CCDC158: variants seen among roughly 807,000 people sequenced by gnomAD.
The protein encoded by CCDC158 is coiled-coil domain-containing protein 158.
CCDC158 carries 116 observed loss-of-function variants against 138.6 expected under a neutral mutation model. The observed-to-expected ratio is 0.84, with a 90% CI of 0.72 to 0.98. The LOEUF (loss-of-function observed/expected upper bound fraction) is 0.98. CCDC158 is among the 50% of genes least tolerant of loss of function. CCDC158 has a pLI of 0.00. For synonymous variants in CCDC158, 436 were observed against 442.4 expected, an observed-to-expected ratio of 0.99 and a Z score of 0.18; for missense variants, 1,265 against 1,306.1, an observed-to-expected ratio of 0.97 and a Z score of 0.48.
intron 18 of CCDC158, among the ~76,000 whole-genome samples, chr4:76,337,605 G>A (rs1362932841): frequency 1.3e-5 from 2 of 152,070 alleles, no homozygotes; most frequent in Admixed American, 6.5e-5. Context: ...GGTAGTGCAC[G>A]CCTGTAATCC....
chr4:76,347,079 G>A (rs959080500), intron 18 of CCDC158, among the ~76,000 whole-genome samples: 6 of 152,180 alleles, frequency 3.9e-5, no homozygotes, highest in Non-Finnish European at 8.8e-5. Flanking sequence ...ACTGTTGGTG[G>A]AAGTGTAAAT....
chr4:76,382,859 A>AGTAG, intron 7 of CCDC158, 139 bp from the exon 8 acceptor site: 1 of 583,396 alleles, frequency 1.7e-6, no homozygotes, highest in Non-Finnish European at 3.0e-6. Flanking sequence ...TTTAATAACA[A>AGTAG]GTGTCTACAA....
intron 18 of CCDC158, among the ~76,000 whole-genome samples, chr4:76,347,474 G>A (rs1455424362): frequency 2.6e-5 from 4 of 152,028 alleles, no homozygotes; most frequent in East Asian, 3.9e-4. Context: ...AACAAACACC[G>A]CATGTTCTCA....
chr4:76,416,784 G>A (rs913391249), intron 1 of CCDC158, among the ~76,000 whole-genome samples: 1 of 152,256 alleles, frequency 6.6e-6, no homozygotes, highest in Non-Finnish European at 1.5e-5. Context: ...GATGTCAGAT[G>A]TATGGAAACG....
At chr4:76,316,449 A>G (rs1270350427) in intron 24 of CCDC158, among the ~76,000 whole-genome samples, 1 of 152,178 alleles carries the variant, frequency 6.6e-6, no homozygotes, top group Non-Finnish European at 1.5e-5. Flanking sequence ...AGCCTCCAAG[A>G]AGTCTGGGAT....
intron 3 of CCDC158, among the ~76,000 whole-genome samples, chr4:76,402,489 C>T (rs1728483191): frequency 6.6e-6 from 1 of 152,204 alleles, no homozygotes. Context: ...TCTCATTGTC[C>T]TTCTAGCCAA....
intron 3 of CCDC158, 47 bp downstream of exon 3, chr4:76,403,091 T>C (rs1728545288): frequency 1.1e-5 from 14 of 1,315,266 alleles, no homozygotes; most frequent in African/African-American, 1.5e-5. Context: ...ATGAATATCA[T>C]GGTTAATTCT....
chr4:76,335,122 T>C (rs1185135179), intron 18 of CCDC158, among the ~76,000 whole-genome samples: 1 of 152,170 alleles, frequency 6.6e-6, no homozygotes, highest in African/African-American at 2.4e-5. Flanking sequence ...CAGTCTAAAG[T>C]TTCATAAATT....
intron 2 of CCDC158, among the ~76,000 whole-genome samples, 162 bp downstream of exon 2, chr4:76,411,928 T>A (rs879713649): frequency 7.9e-5 from 12 of 152,218 alleles, no homozygotes; most frequent in Non-Finnish European, 1.8e-4. Flanking sequence ...GCAGCTTTTA[T>A]ATTGTAGGCC....
intron 8 of CCDC158, among the ~76,000 whole-genome samples, 167 bp downstream of exon 8, chr4:76,382,441 AAC>A (rs386676244): frequency 0.016 from 2,397 of 152,342 alleles, 65 homozygotes; most frequent in African/African-American, 0.054. Context: ...ATGGTCAGAT[AAC>A]AGTACCTATG....
At chr4:76,355,643 T>A (rs929216134) in intron 14 of CCDC158, among the ~76,000 whole-genome samples, 7 of 152,158 alleles carry the variant, frequency 4.6e-5, no homozygotes, top group African/African-American at 1.7e-4. Context: ...GATTTTTAGC[T>A]GGGAAACATA....
chr4:76,332,572 C>T, intron 19 of CCDC158, 81 bp from the exon 20 acceptor site: 1 of 1,106,760 alleles, frequency 9.0e-7, no homozygotes. Context: ...CAATTGCTTA[C>T]ATATATTCAA....
At chr4:76,395,971 T>C (rs6857452) in intron 4 of CCDC158, among the ~76,000 whole-genome samples, 49,820 of 152,098 alleles carry the variant, frequency 0.33, 9,608 homozygotes, top group Non-Finnish European at 0.44. Flanking sequence ...TAACTATAAA[T>C]GCAGACAAAT....
rs79260649 is a variant in CCDC158 at position 76,369,517 on chromosome 4, C to T, written c.1256G>A (p.Arg419Gln). ...GNSITIDHLR[R>Q]ELDNRNMEVQ... ...CTCCATGTTCCGGTTGTCCAGTTCC[C>T]GCCGCAGGTGGTCAATGGTGATGCT... Residue 419 changes from arginine to glutamine, a missense_variant, in exon 11 of 25, where the codon CGG (arginine) becomes CAG (glutamine). Transcript: ENST00000682701. 826 of 1,614,156 alleles carry T rather than the reference C, an allele frequency of 5.1e-4. 5 individuals are homozygous for T. In the African/African-American group the frequency reaches 9.8e-3, roughly 19 times the overall value.
intron 4 of CCDC158, among the ~76,000 whole-genome samples, chr4:76,392,233 A>G (rs1467822606): frequency 6.6e-6 from 1 of 152,018 alleles, no homozygotes; most frequent in Non-Finnish European, 1.5e-5. Flanking sequence ...ACAAAATACT[A>G]GCAAGCTGAA....
chr4:76,420,990 C>G lies in CCDC158; in HGVS notation c.-142G>C, dbSNP rs1045640088. 2.0e-5 allele frequency among the ~76,000 whole-genome samples: 3 copies of G among 152,134 alleles called. No homozygotes were observed. The highest frequency in any genetic ancestry group is 4.4e-5 in the Non-Finnish European group (3 of 68,004). On this transcript the variant is annotated 5_prime_UTR_variant, in exon 1 of 25. Coordinates refer to ENST00000682701, the MANE Select transcript of CCDC158 (RefSeq NM_001394954.1). ...CTGCAACCAACACCTAATCCTAAGACACCGGCCACATCTCCGCGGGGCGCC... is the reference window on the plus strand; with the variant it reads ...CTGCAACCAACACCTAATCCTAAGAGACCGGCCACATCTCCGCGGGGCGCC...
chr4:76,420,555 G>A (rs1416319313), intron 1 of CCDC158, among the ~76,000 whole-genome samples: 1 of 152,200 alleles, frequency 6.6e-6, no homozygotes, highest in Non-Finnish European at 1.5e-5. Flanking sequence ...AAGGGCCCTT[G>A]CGCCGGCATT....
At position 76,382,603 on chromosome 4, in the gene CCDC158, C is replaced by T. The variant is rs747481401; in HGVS notation, c.914+7G>A. On this transcript the variant is annotated splice_region_variant and intron_variant, in intron 8 of 24. Transcript: ENST00000682701. Reference sequence around the variant, plus strand: ...AGATGAATGACTAACAGTTTCAAACCACATACTGAATGATTTCCATTTGAC... The same window carrying T: ...AGATGAATGACTAACAGTTTCAAACTACATACTGAATGATTTCCATTTGAC... 1.6e-5 allele frequency: 25 copies of T among 1,550,748 alleles called. No homozygotes were observed. The highest frequency in any genetic ancestry group is 2.2e-5 in the Non-Finnish European group (25 of 1,124,076).
rs139491824 is a variant in CCDC158, at chr4:76,348,648, A to G, written c.2664+2348T>C. ...ATTTCTGTAAAGAACTTGTTAAAAA[A>G]CATGAATTAAATGGAAATCTAGTAC... On this transcript the variant is annotated intron_variant, in intron 18 of 24. Transcript: ENST00000682701. 4.0e-3 allele frequency among the ~76,000 whole-genome samples: 603 copies of G among 152,276 alleles called. 3 individuals are homozygous for G. Among genetic ancestry groups the G allele is most frequent in the African/African-American group, 0.014 (572 of 41,550 alleles).
Sources: gnomAD v4.1 joint callset for allele counts (sites outside exome capture counted in the v4.1 genomes callset) on GRCh38, gnomAD v4.1.1 for gene constraint, MANE v1.5 for transcripts, NCBI Gene and HGNC (gene_info 2026-07-23, HGNC 2026-07-21) for gene names.